AUNIP: variants seen among roughly 807,000 people sequenced by gnomAD.
AUNIP encodes the protein aurora kinase A- and ninein-interacting protein.
A neutral mutation model predicts 12.2 loss-of-function variants in AUNIP; 16 were observed. That is an observed-to-expected ratio of 1.31 (90% CI 0.88 to 1.99). The LOEUF is 1.99. Among genes scored for constraint, AUNIP ranks in the 30% most tolerant of loss-of-function variants. The pLI, the probability that AUNIP is intolerant of heterozygous loss-of-function variation, is 0.00. For synonymous variants in AUNIP, 142 were observed against 154.8 expected (o/e 0.92, Z 0.61); for missense variants, 411 against 419.1 (o/e 0.98, Z 0.17).
At chr1:25,854,776 A>T in intron 1 of AUNIP, among the ~76,000 whole-genome samples, 1 of 152,240 alleles carries the variant, frequency 6.6e-6, no homozygotes, top group East Asian at 1.9e-4. Flanking sequence ...TGCGGTATCC[A>T]ATTTCAAGAT....
At chr1:25,844,671 A>T (rs1449772414) in intron 1 of AUNIP, among the ~76,000 whole-genome samples, 1 of 151,310 alleles carries the variant, frequency 6.6e-6, no homozygotes, top group East Asian at 1.9e-4. Context: ...CTTTTTTCAT[A>T]ATGGTCACTC....
Position 25,834,767 on chromosome 1 carries a change from A to T in AUNIP, c.*226T>A. 1 of 1,399,884 alleles carries T rather than the reference A, an allele frequency of 7.1e-7. No individual in the cohort carries two copies. The highest frequency in any genetic ancestry group is 9.3e-7 in the Non-Finnish European group (1 of 1,080,324). The allele number at this position is 1,399,884 out of a possible 1,614,324, so 86.7% of individuals were successfully genotyped here. A position where few individuals can be genotyped will look rare whatever the true frequency, so the allele number is the denominator to read the frequency against. ...CTCAGTGTTCATCATAGACTCATTC[A>T]GGGAATTTACCAGCCACCACCTTCC... On this transcript the variant is annotated 3_prime_UTR_variant, in exon 3 of 3. Transcript: ENST00000374298.
chr1:25,835,579 C>A lies in AUNIP; in HGVS notation c.488G>T (p.Cys163Phe), dbSNP rs2048295149. 6.2e-7 allele frequency: 1 copy of A among 1,614,072 alleles called. No individual in the cohort carries two copies. The highest frequency in any genetic ancestry group is 1.3e-5 in the African/African-American group (1 of 74,920). The part of the protein sequence containing the change: ...LSLLQPDTPD[C>F]AGDSHTPLAF... Reference sequence around the variant, plus strand: ...CAGTGGGGTATGACTATCTCCAGCACAGTCTGGAGTATCAGGCTGGAGCAA... The same window carrying A: ...CAGTGGGGTATGACTATCTCCAGCAAAGTCTGGAGTATCAGGCTGGAGCAA... The change falls in exon 3 of 3, where the codon TGT becomes TTT. Residue 163 changes from cysteine to phenylalanine, a missense_variant. Physicochemically the swap from Cys to Phe is radical, Grantham distance 205. Coordinates refer to ENST00000374298, the MANE Select transcript of AUNIP (RefSeq NM_024037.3).
chr1:25,845,325 G>A (rs1302311959), intron 1 of AUNIP, among the ~76,000 whole-genome samples: 1 of 152,186 alleles, frequency 6.6e-6, no homozygotes, highest in Non-Finnish European at 1.5e-5. Flanking sequence ...AGCATAAAGT[G>A]TAGACTCACA....
chr1:25,834,711 C>G lies in AUNIP; in HGVS notation c.*282G>C. On this transcript the variant is annotated 3_prime_UTR_variant, in exon 3 of 3. Coordinates refer to ENST00000374298, the MANE Select transcript of AUNIP (RefSeq NM_024037.3). ...CTCTGTGCAGGCTGAGTAAAAGGCA[C>G]TTTCATAGAGATAAATACCCACTGT... 8.2e-7 allele frequency: 1 copy of G among 1,212,534 alleles called. No homozygotes were observed. The highest frequency in any genetic ancestry group is 1.0e-6 in the Non-Finnish European group (1 of 972,028). The allele number at this position is 1,212,534 out of a possible 1,614,324, so 75.1% of individuals were successfully genotyped here. A position where few individuals can be genotyped will look rare whatever the true frequency, so the allele number is the denominator to read the frequency against.
intron 1 of AUNIP, among the ~76,000 whole-genome samples, chr1:25,838,666 T>C (rs2048322851): frequency 6.6e-6 from 1 of 152,206 alleles, no homozygotes; most frequent in African/African-American, 2.4e-5. Flanking sequence ...GCGCTTTTAT[T>C]CTTTAGAGAA....
rs1363063295 is a variant in AUNIP, at chr1:25,837,438, A to G, written c.195T>C (p.Ile65=). The G allele has an allele frequency of 6.2e-7, 1 of 1,613,802 alleles. No homozygotes were observed. Among genetic ancestry groups the G allele is most frequent in the African/African-American group, 1.3e-5 (1 of 74,910 alleles). ...APSTGIHQRS[I]ASFFTLQPGK... ...CTGGCTGCAAGGTGAAGAAGGAAGC[A>G]ATGCTTCTCTGGTGAATGCCTGTAG... The change falls in exon 2 of 3, where the codon ATT becomes ATC. Residue 65 remains isoleucine, a synonymous_variant. Coordinates refer to ENST00000374298, the MANE Select transcript of AUNIP (RefSeq NM_024037.3).
At chr1:25,845,827 A>G (rs991358632) in intron 1 of AUNIP, among the ~76,000 whole-genome samples, 1 of 152,198 alleles carries the variant, frequency 6.6e-6, no homozygotes, top group African/African-American at 2.4e-5. Context: ...GGCTTTTCTA[A>G]TGCTGTGATC....
intron 1 of AUNIP, among the ~76,000 whole-genome samples, chr1:25,848,097 C>T (rs1355330349): frequency 6.7e-6 from 1 of 150,196 alleles, no homozygotes; most frequent in Non-Finnish European, 1.5e-5. Flanking sequence ...CAAATAACCA[C>T]TAATGGGTTA....
At position 25,835,666 on chromosome 1, in the gene AUNIP, G is replaced by A. The variant is rs1557449266; in HGVS notation, c.401C>T (p.Pro134Leu). The change falls in exon 3 of 3, where the codon CCT (proline) becomes CTT (leucine). Residue 134 changes from proline to leucine, a missense_variant. Coordinates refer to ENST00000374298, the MANE Select transcript of AUNIP (RefSeq NM_024037.3). ...GTGGCCAGAAGTCTGGAGGGACTGA[G>A]GAGAGAGTCCAGCTTCCTGGATGTC... The part of the protein sequence containing the change: ...TADIQEAGLS[P>L]QSLQTSGHHR... The A allele has an allele frequency of 6.2e-7, 1 of 1,614,214 alleles. No homozygotes were observed.
chr1:25,857,603 C>T (rs1043658019), intron 1 of AUNIP, among the ~76,000 whole-genome samples: 9 of 151,390 alleles, frequency 5.9e-5, no homozygotes, highest in Admixed American at 1.3e-4. Context: ...TAGCTCAAGC[C>T]TGTAATCTCA....
chr1:25,856,647 C>G (rs2048463926), intron 1 of AUNIP, among the ~76,000 whole-genome samples: 1 of 152,180 alleles, frequency 6.6e-6, no homozygotes, highest in African/African-American at 2.4e-5. Context: ...TGCACTCCAG[C>G]CCGGGCAACA....
At chr1:25,836,072 AT>A (rs1436177911) in intron 2 of AUNIP, among the ~76,000 whole-genome samples, 1 of 152,174 alleles carries the variant, frequency 6.6e-6, no homozygotes, top group African/African-American at 2.4e-5. Context: ...AAATACATGG[AT>A]ACTTCCCATC....
intron 1 of AUNIP, among the ~76,000 whole-genome samples, chr1:25,838,432 G>C (rs1453048632): frequency 6.6e-6 from 1 of 152,180 alleles, no homozygotes; most frequent in Non-Finnish European, 1.5e-5. Context: ...TAACCAGGGA[G>C]GCGGAGGTTG....
Position 25,859,406 on chromosome 1 carries a change from G to C in AUNIP, c.-49C>G. 1.4e-6 allele frequency: 2 copies of C among 1,458,502 alleles called. No homozygotes were observed. The highest frequency in any genetic ancestry group is 2.6e-5 in the South Asian group (2 of 75,494). The allele number at this position is 1,458,502 out of a possible 1,614,324, so 90.3% of individuals were successfully genotyped here. A position where few individuals can be genotyped will look rare whatever the true frequency, so the allele number is the denominator to read the frequency against. On this transcript the variant is annotated 5_prime_UTR_variant, in exon 1 of 3. Coordinates refer to ENST00000374298, the MANE Select transcript of AUNIP (RefSeq NM_024037.3). ...CAGGACGCCGGCGCAGGCTCCCGGCGCCTCAGGGAACGCCAGAACCGCGGC... is the reference window on the plus strand; with the variant it reads ...CAGGACGCCGGCGCAGGCTCCCGGCCCCTCAGGGAACGCCAGAACCGCGGC...
intron 1 of AUNIP, among the ~76,000 whole-genome samples, chr1:25,839,332 T>C (rs538520495): frequency 1.3e-5 from 2 of 152,274 alleles, no homozygotes; most frequent in South Asian, 4.1e-4. Context: ...TGCATAGGGA[T>C]CCCTTTAGTC....
Position 25,847,269 on chromosome 1 carries a change from T to G in AUNIP, c.79-9715A>C, listed in dbSNP as rs1046408990. Among the ~76,000 whole-genome samples, 9 of 152,052 alleles carry G rather than the reference T, an allele frequency of 5.9e-5. No individual in the cohort carries two copies. Among genetic ancestry groups the G allele is most frequent in the African/African-American group, 1.2e-4 (5 of 41,432 alleles). On this transcript the variant is annotated intron_variant, in intron 1 of 2. Transcript: ENST00000374298. This position sits in a 1 kb window ranked among gnomAD's most constrained non-coding sequence, Gnocchi z 4.2. Reference sequence around the variant, plus strand: ...AAAAACAGTTGTGTTTTTTTTGTTTTGTTTTTTTTTGAGACGGAGTCTCAC... The same window carrying G: ...AAAAACAGTTGTGTTTTTTTTGTTTGGTTTTTTTTTGAGACGGAGTCTCAC...
chr1:25,853,068 A>G (rs758783039), intron 1 of AUNIP, among the ~76,000 whole-genome samples: 1 of 152,122 alleles, frequency 6.6e-6, no homozygotes, highest in Admixed American at 6.5e-5. Flanking sequence ...AGAATGTTCC[A>G]TGTGTCATGG....
rs148257460 is a variant in AUNIP, at chr1:25,835,796, G to A, written c.271C>T (p.Gln91Ter). The change falls in exon 3 of 3, where the codon CAG (glutamine) becomes TAG (stop). Residue 91 changes from glutamine to a stop codon, truncating the protein, a stop_gained. Transcript: ENST00000374298. LOFTEE classifies it low-confidence loss of function (END_TRUNC). ...TTTTTCTTGGACTCTTTGTTGATCT[G>A]ACTTTCTGTATGAGATGAAACACTC... ...QKSVSSHTES[Q>*]INKESKKNAT... 142 of 1,614,166 alleles carry A rather than the reference G, an allele frequency of 8.8e-5. No homozygotes were observed. In the African/African-American group the frequency reaches 1.7e-3, roughly 19 times the overall value.
Sources: gnomAD v4.1 joint callset for allele counts (sites outside exome capture counted in the v4.1 genomes callset) on GRCh38, gnomAD v4.1.1 for gene constraint, Gnocchi (gnomAD v3.1) non-coding constraint, MANE v1.5 for transcripts, NCBI Gene and HGNC (gene_info 2026-07-23, HGNC 2026-07-21) for gene names.